The following SWT1 variants were observed in gnomAD, a reference collection of about 807,000 sequenced individuals.
SWT1 encodes transcriptional protein SWT1.
Under a neutral mutation model 107.3 loss-of-function variants are expected in SWT1, and 33 were observed. The ratio of observed to expected loss-of-function variants is 0.31; its 90% CI spans 0.23 to 0.41. The LOEUF (loss-of-function observed/expected upper bound fraction) is 0.41, where lower values mean the gene tolerates loss of function less well. Ranked by LOEUF, SWT1 falls within the 10% of genes least tolerant of loss-of-function variation. The probability of loss-of-function intolerance (pLI) is 1.00; values close to 1 mark genes in which losing one functional copy is unlikely to be tolerated. For missense variants in SWT1, 898 were observed against 1,028.9 expected (o/e 0.87, Z 1.74); for synonymous variants, 345 against 348.3 (o/e 0.99, Z 0.11).
At chr1:185,184,122 TAAC>T (rs1011528836) in intron 7 of SWT1, 118 bp from the exon 8 acceptor site, 27 of 576,000 alleles carry the variant, frequency 4.7e-5, no homozygotes, top group Admixed American at 2.5e-4. Flanking sequence ...CTGATACAGT[TAAC>T]AAGACAAAGA....
chr1:185,284,388 A>T (rs887407893), intron 18 of SWT1, among the ~76,000 whole-genome samples: 1 of 152,224 alleles, frequency 6.6e-6, no homozygotes, highest in African/African-American at 2.4e-5. Context: ...CACTATAGAC[A>T]ATTACAAGGC....
intron 4 of SWT1, among the ~76,000 whole-genome samples, chr1:185,168,724 A>G (rs1202275782): frequency 1.3e-5 from 2 of 152,180 alleles, no homozygotes; most frequent in Non-Finnish European, 1.5e-5. Flanking sequence ...GCTAATTTAG[A>G]GATTTTGGAT....
chr1:185,172,185 C>A (rs2102335361), intron 4 of SWT1, among the ~76,000 whole-genome samples: 1 of 151,848 alleles, frequency 6.6e-6, no homozygotes, highest in East Asian at 2.1e-4. Context: ...GACATTTTTC[C>A]CCTTTTTTTC....
chr1:185,242,102 G>A (rs551146738), intron 16 of SWT1, among the ~76,000 whole-genome samples: 1 of 152,236 alleles, frequency 6.6e-6, no homozygotes, highest in East Asian at 1.9e-4. Flanking sequence ...TAGACTCAGG[G>A]AATATAAGCA....
intron 16 of SWT1, among the ~76,000 whole-genome samples, chr1:185,233,614 T>C (rs1011044780): frequency 2.0e-5 from 3 of 152,218 alleles, no homozygotes; most frequent in Non-Finnish European, 2.9e-5. Flanking sequence ...TGAGCGGTTT[T>C]GAGTGAGTTT....
chr1:185,264,222 A>G (rs1415893346), intron 16 of SWT1: 4 of 348,794 alleles, frequency 1.1e-5, no homozygotes, highest in East Asian at 1.7e-4. Flanking sequence ...ACAATAATCA[A>G]TAGGGATGAA....
intron 16 of SWT1, among the ~76,000 whole-genome samples, chr1:185,269,101 C>T (rs572687916): frequency 2.6e-5 from 4 of 152,288 alleles, no homozygotes; most frequent in East Asian, 1.9e-4. Context: ...ATTTGCCCGC[C>T]TCAGCCTCCC....
In SWT1 at chr1:185,174,534, C is replaced by G; in HGVS notation, c.387C>G (p.Asp129Glu). Residue 129 changes from aspartate to glutamate, a missense_variant, in exon 5 of 19, where the codon GAC (aspartate) becomes GAG (glutamate). Asp to Glu is a conservative substitution (Grantham distance 45). Transcript: ENST00000367500. ...GTKKDIHKCV[D>E]FKPKDIKLTN... is the part of the protein sequence containing the mutation. Reference sequence around the variant, plus strand: ...AAAAAGACATACATAAATGTGTAGACTTTAAACCTAAAGATATCAAATTGA... The same window carrying G: ...AAAAAGACATACATAAATGTGTAGAGTTTAAACCTAAAGATATCAAATTGA... The G allele has an allele frequency of 6.2e-7, 1 of 1,609,226 alleles. No individual in the cohort carries two copies. The highest frequency in any genetic ancestry group is 8.5e-7 in the Non-Finnish European group (1 of 1,178,666).
At position 185,231,653 on chromosome 1, in the gene SWT1, A is replaced by G. The variant is rs1660515442; in HGVS notation, c.2386A>G (p.Ile796Val). 2.5e-6 allele frequency: 4 copies of G among 1,607,828 alleles called. No individual in the cohort carries two copies. The Admixed American group carries it at 5.0e-5, about 20-fold the overall frequency. ...SNIASFEEAF[I>V]CLQKLMAAVR... Reference sequence around the variant, plus strand: ...TATAGCATCATTTGAAGAAGCATTTATATGTCTTCAAAAGTTAATGGCAGC... The same window carrying G: ...TATAGCATCATTTGAAGAAGCATTTGTATGTCTTCAAAAGTTAATGGCAGC... The change falls in exon 16 of 19, where the codon ATA becomes GTA. Residue 796 changes from isoleucine (I) to valine (V), a missense_variant. Coordinates refer to ENST00000367500, the MANE Select transcript of SWT1 (RefSeq NM_017673.7).
intron 17 of SWT1, 53 bp downstream of exon 17, chr1:185,271,442 A>G: frequency 2.2e-6 from 2 of 926,756 alleles, no homozygotes; most frequent in East Asian, 2.5e-5. Context: ...AACAAATTTT[A>G]ATGTAAATAA....
chr1:185,249,638 T>TC (rs1270954816), intron 16 of SWT1, among the ~76,000 whole-genome samples: 1 of 151,938 alleles, frequency 6.6e-6, no homozygotes, highest in Non-Finnish European at 1.5e-5. Flanking sequence ...GACAAACTGA[T>TC]CCCCCACCAC....
chr1:185,227,537 C>T, intron 15 of SWT1: 1 of 527,996 alleles, frequency 1.9e-6, no homozygotes, highest in South Asian at 1.7e-5. Context: ...CTGTTTGTTA[C>T]ATGAACTGTC....
chr1:185,290,602 A>G, intron 18 of SWT1, 72 bp from the exon 19 acceptor site: 1 of 1,170,124 alleles, frequency 8.5e-7, no homozygotes, highest in Non-Finnish European at 1.1e-6. Flanking sequence ...AAAATGTAAA[A>G]TAAAATGAAA....
At chr1:185,181,812 C>A in intron 6 of SWT1, 134 bp from the exon 7 acceptor site, 1 of 825,648 alleles carries the variant, frequency 1.2e-6, no homozygotes, top group Non-Finnish European at 1.8e-6. Context: ...TTTTACTATG[C>A]TCCTTCAGAG....
At chr1:185,158,361 G>T (rs567888903) in intron 1 of SWT1, among the ~76,000 whole-genome samples, 3 of 151,826 alleles carry the variant, frequency 2.0e-5, no homozygotes, top group African/African-American at 7.3e-5. Context: ...CCCTTTTACT[G>T]ATCGTCCCGT....
chr1:185,161,789 T>A (rs1654169981), intron 2 of SWT1, among the ~76,000 whole-genome samples: 1 of 152,186 alleles, frequency 6.6e-6, no homozygotes, highest in Non-Finnish European at 1.5e-5. Flanking sequence ...GAAGCAAAAC[T>A]GCAAAACAAA....
chr1:185,218,427 A>G (rs1024163867), intron 14 of SWT1, among the ~76,000 whole-genome samples: 1 of 152,122 alleles, frequency 6.6e-6, no homozygotes, highest in African/African-American at 2.4e-5. Flanking sequence ...CTCCAGCCTC[A>G]GCCTCCTGAA....
At chr1:185,231,040 C>T (rs915471946) in intron 15 of SWT1, among the ~76,000 whole-genome samples, 5 of 152,170 alleles carry the variant, frequency 3.3e-5, no homozygotes, top group Admixed American at 1.3e-4. Context: ...TGAGCCGTCT[C>T]GCCCAGCCTA....
chr1:185,271,901 T>A (rs1663893723), intron 17 of SWT1, among the ~76,000 whole-genome samples: 1 of 152,080 alleles, frequency 6.6e-6, no homozygotes. Flanking sequence ...AATATGAGAG[T>A]CCTAAAATAA....
Sources: allele counts gnomAD v4.1 joint callset (sites outside exome capture counted in the v4.1 genomes callset), GRCh38; gene constraint gnomAD v4.1.1; transcripts MANE v1.5; gene names NCBI Gene and HGNC (gene_info 2026-07-23, HGNC 2026-07-21).